The following FBXL17 variants were observed in gnomAD, a reference collection of about 807,000 sequenced individuals.
FBXL17 encodes F-box and leucine rich repeat protein 17, also known as F-box/LRR-repeat protein 17.
FBXL17 carries 22 observed loss-of-function variants against 66.2 expected under a neutral mutation model. The ratio of observed to expected loss-of-function variants is 0.33; its 90% CI spans 0.24 to 0.47. FBXL17 has a LOEUF of 0.47. Ranked by LOEUF, FBXL17 falls within the 20% of genes least tolerant of loss-of-function variation. The probability of loss-of-function intolerance (pLI) is 1.00; values close to 1 mark genes in which losing one functional copy is unlikely to be tolerated. For synonymous variants in FBXL17, 474 were observed against 400.5 expected (o/e 1.18, Z -2.19); for missense variants, 878 against 948.2 (o/e 0.93, Z 0.97).
chr5:108,294,835 G>C (rs985411754), intron 4 of FBXL17, among the ~76,000 whole-genome samples: 4 of 152,012 alleles, frequency 2.6e-5, no homozygotes, highest in Non-Finnish European at 4.4e-5. Context: ...AATAAACCTT[G>C]TTACAGAATG....
chr5:108,374,503 T>A (rs74722094), intron 1 of FBXL17, among the ~76,000 whole-genome samples: 6,505 of 152,030 alleles, frequency 0.043, 764 homozygotes, highest in East Asian at 0.39. Context: ...AAAACTCCCA[T>A]CTCTACCAAA....
rs142756301 is a variant in FBXL17 at position 108,127,160 on chromosome 5, T to C, written c.1745+58957A>G. Among the ~76,000 whole-genome samples, 16 of 152,330 alleles carry C rather than the reference T, an allele frequency of 1.1e-4. No homozygotes were observed. The East Asian group carries it at 3.1e-3, about 29-fold the overall frequency. ...CACATGAAATTTTCTAAAGCCAGTT[T>C]TGTCTAAGAAAGTAATTATAAATTT... On this transcript the variant is annotated intron_variant, in intron 6 of 8. Transcript: ENST00000542267.
chr5:108,063,856 A>T (rs888454247), intron 6 of FBXL17, among the ~76,000 whole-genome samples: 13 of 151,394 alleles, frequency 8.6e-5, no homozygotes, highest in African/African-American at 3.2e-4. Context: ...ACAGTGATTT[A>T]AAAAAAATTT....
chr5:108,333,374 G>A (rs1760226028), intron 4 of FBXL17, among the ~76,000 whole-genome samples: 1 of 151,954 alleles, frequency 6.6e-6, no homozygotes, highest in Admixed American at 6.6e-5. Flanking sequence ...AAGATGGACA[G>A]ACAAATTACT....
At chr5:108,193,145 G>A (rs1195897963) in intron 5 of FBXL17, among the ~76,000 whole-genome samples, 1 of 152,216 alleles carries the variant, frequency 6.6e-6, no homozygotes. Flanking sequence ...TAATTGTAAT[G>A]TTTAGGGAGC....
At chr5:108,177,553 C>T (rs1392459470) in intron 6 of FBXL17, among the ~76,000 whole-genome samples, 2 of 151,942 alleles carry the variant, frequency 1.3e-5, no homozygotes, top group East Asian at 1.9e-4. Context: ...ATACTAAACC[C>T]GACAGAATGC....
intron 6 of FBXL17, among the ~76,000 whole-genome samples, chr5:108,086,755 T>C (rs1212397036): frequency 2.0e-5 from 3 of 152,140 alleles, no homozygotes; most frequent in Non-Finnish European, 4.4e-5. Context: ...GAGTAGGGGT[T>C]TCACCATGTT....
At chr5:108,071,947 T>C (rs960083368) in intron 6 of FBXL17, among the ~76,000 whole-genome samples, 1 of 152,162 alleles carries the variant, frequency 6.6e-6, no homozygotes. Flanking sequence ...AAATAATTCC[T>C]TCATGAAACT....
intron 7 of FBXL17, among the ~76,000 whole-genome samples, chr5:108,019,320 T>A (rs1561370671): frequency 6.6e-6 from 1 of 152,174 alleles, no homozygotes; most frequent in African/African-American, 2.4e-5. Flanking sequence ...TTCTCAATTA[T>A]CTTCTGGAAC....
chr5:107,948,346 G>A (rs941169860), intron 7 of FBXL17, among the ~76,000 whole-genome samples: 1 of 152,140 alleles, frequency 6.6e-6, no homozygotes, highest in African/African-American at 2.4e-5. Context: ...TCAGCATCGT[G>A]TGACTGAAAC....
intron 6 of FBXL17, among the ~76,000 whole-genome samples, chr5:108,069,591 T>A (rs547022132): frequency 6.6e-6 from 1 of 152,352 alleles, no homozygotes; most frequent in African/African-American, 2.4e-5. Context: ...TTAAAAAGCA[T>A]GATTCTATAA....
chr5:108,011,327 G>C (rs920248309), intron 7 of FBXL17, among the ~76,000 whole-genome samples: 1 of 152,162 alleles, frequency 6.6e-6, no homozygotes, highest in Non-Finnish European at 1.5e-5. Context: ...TGATACTTTA[G>C]AAGAAAGGGA....
chr5:108,215,074 T>G (rs1754542165), intron 5 of FBXL17, among the ~76,000 whole-genome samples: 1 of 152,218 alleles, frequency 6.6e-6, no homozygotes, highest in Non-Finnish European at 1.5e-5. Context: ...AATATTCCTC[T>G]GTATGAATAT....
At chr5:107,914,448 G>T (rs764300827) in intron 7 of FBXL17, among the ~76,000 whole-genome samples, 8 of 152,138 alleles carry the variant, frequency 5.3e-5, no homozygotes, top group Non-Finnish European at 7.4e-5. Context: ...ACAGGTGCAA[G>T]GAATATTTGC....
chr5:107,911,829 T>G (rs1462990727), intron 7 of FBXL17, among the ~76,000 whole-genome samples: 1 of 152,110 alleles, frequency 6.6e-6, no homozygotes, highest in Non-Finnish European at 1.5e-5. Flanking sequence ...TATTTTTAAA[T>G]TTTACAAAGG....
chr5:108,164,364 T>C (rs1465218641), intron 6 of FBXL17, among the ~76,000 whole-genome samples: 1 of 152,188 alleles, frequency 6.6e-6, no homozygotes, highest in Non-Finnish European at 1.5e-5. Context: ...GAGGACCCTA[T>C]TTCATGAATA....
At chr5:108,255,550 T>A (rs1756540192) in intron 4 of FBXL17, among the ~76,000 whole-genome samples, 1 of 152,154 alleles carries the variant, frequency 6.6e-6, no homozygotes, top group African/African-American at 2.4e-5. Flanking sequence ...TATGGAAATT[T>A]AACAGAATTC....
intron 6 of FBXL17, among the ~76,000 whole-genome samples, chr5:108,035,549 T>C (rs373197223): frequency 5.7e-4 from 87 of 152,200 alleles, no homozygotes; most frequent in African/African-American, 2.1e-3. Flanking sequence ...GTATTTTTAG[T>C]AGAGACGGAG....
chr5:107,912,078 C>T (rs909653176), intron 7 of FBXL17, among the ~76,000 whole-genome samples: 1 of 151,970 alleles, frequency 6.6e-6, no homozygotes, highest in African/African-American at 2.4e-5. Flanking sequence ...GAGTATAAAT[C>T]GATGTAGCCA....
Sources: gnomAD v4.1 joint callset for allele counts (sites outside exome capture counted in the v4.1 genomes callset) on GRCh38, gnomAD v4.1.1 for gene constraint, MANE v1.5 for transcripts, NCBI Gene and HGNC (gene_info 2026-07-23, HGNC 2026-07-21) for gene names.